The following R3HDML variants were observed in gnomAD, a reference collection of about 807,000 sequenced individuals.
The protein encoded by R3HDML is R3H domain containing like, also known as peptidase inhibitor R3HDML.
Under a neutral mutation model 24.2 loss-of-function variants are expected in R3HDML, and 21 were observed. That is an observed-to-expected ratio of 0.87 (90% CI 0.62 to 1.25). The LOEUF is 1.25. Ranked by LOEUF, R3HDML falls within the 50% of genes most tolerant of loss-of-function variation. The pLI is 0.00. For missense variants in R3HDML, 301 were observed against 340.3 expected, an observed-to-expected ratio of 0.88 and a Z score of 0.91; for synonymous variants, 133 against 131.5, an observed-to-expected ratio of 1.01 and a Z score of -0.08.
At position 44,341,322 on chromosome 20, in the gene R3HDML, A is replaced by AC; in HGVS notation, c.380+11dup. ...CTCCATCCATTCTGGCCAGTGAGTG[A>AC]CCCTCTGCCCTTCCTTCACTCAGTC... On this transcript the variant is annotated intron_variant, in intron 2 of 4. Coordinates refer to ENST00000217043, the MANE Select transcript of R3HDML (RefSeq NM_178491.4). 6 of 1,596,050 alleles carry AC rather than the reference A, an allele frequency of 3.8e-6. No homozygotes were observed. Among genetic ancestry groups the AC allele is most frequent in the Non-Finnish European group, 5.2e-6 (6 of 1,164,382 alleles).
chr20:44,338,739 T>C (rs923327589), intron 1 of R3HDML, among the ~76,000 whole-genome samples: 4 of 152,114 alleles, frequency 2.6e-5, no homozygotes, highest in African/African-American at 9.7e-5. Context: ...TTTACCCCTT[T>C]GTAGCATGAG....
At chr20:44,349,310 A>G (rs1264907962) in intron 4 of R3HDML, among the ~76,000 whole-genome samples, 5 of 151,764 alleles carry the variant, frequency 3.3e-5, no homozygotes, top group African/African-American at 7.3e-5. Flanking sequence ...TCCTTCTACT[A>G]TAGTGATTGC....
intron 4 of R3HDML, among the ~76,000 whole-genome samples, chr20:44,345,792 A>C (rs1386795318): frequency 2.7e-5 from 4 of 150,712 alleles, no homozygotes; most frequent in African/African-American, 9.7e-5. Flanking sequence ...TCTCAAAAAA[A>C]AAGTCAATTA....
At chr20:44,345,422 G>C (rs1441939864) in intron 4 of R3HDML, 44 bp downstream of exon 4, 4 of 1,397,728 alleles carry the variant, frequency 2.9e-6, no homozygotes, top group Non-Finnish European at 4.0e-6. Flanking sequence ...GGGCCGGCGG[G>C]TGGGTCCTGA....
In R3HDML at chr20:44,345,363, G is replaced by A. The variant is rs560664975; in HGVS notation, c.614G>A (p.Cys205Tyr). The A allele has an allele frequency of 3.1e-6, 5 of 1,613,268 alleles. No homozygotes were observed. The South Asian group carries it at 4.4e-5, about 14-fold the overall frequency. ...TGGCATCGGGCGGCATACCTGGTCTGCAACTATGCCATTAAGTAAGTGCCT... is the reference window on the plus strand; with the variant it reads ...TGGCATCGGGCGGCATACCTGGTCTACAACTATGCCATTAAGTAAGTGCCT... ...NTWHRAAYLV[C>Y]NYAIKGNWIG... is the part of the protein sequence containing the mutation. Residue 205 changes from cysteine to tyrosine, a missense_variant, in exon 4 of 5, where the codon TGC (cysteine) becomes TAC (tyrosine). By Grantham distance (194) the Cys-to-Tyr change is radical (BLOSUM62 -2). Transcript: ENST00000217043.
At position 44,337,582 on chromosome 20, in the gene R3HDML, AATCTGC is replaced by A. The variant is rs2062761343; in HGVS notation, c.261+165_261+170del. Among the ~76,000 whole-genome samples the A allele has an allele frequency of 6.6e-6, 1 of 152,132 alleles. No homozygotes were observed. The highest frequency in any genetic ancestry group is 2.4e-5 in the African/African-American group (1 of 41,420). On this transcript the variant is annotated intron_variant, in intron 1 of 4. Coordinates refer to ENST00000217043, the MANE Select transcript of R3HDML (RefSeq NM_178491.4). The surrounding 1 kb of genome is among the most constrained non-coding windows in gnomAD (Gnocchi z 4.7). ...TCGACCTGTGGAAAGGGCAGGAGTT[AATCTGC>A]CCATTTTACAGATGAGGAAACCAAG...
At position 44,337,237 on chromosome 20, in the gene R3HDML, C is replaced by T. The variant is rs756165877; in HGVS notation, c.80C>T (p.Pro27Leu). The T allele has an allele frequency of 1.9e-5, 30 of 1,613,872 alleles. No individual in the cohort carries two copies. Among genetic ancestry groups the T allele is most frequent in the Non-Finnish European group, 2.5e-5 (30 of 1,180,008 alleles). Residue 27 changes from proline to leucine, a missense_variant, in exon 1 of 5, where the codon CCT becomes CTT. Physicochemically the swap from Pro to Leu is moderately conservative, Grantham distance 98. Coordinates refer to ENST00000217043, the MANE Select transcript of R3HDML (RefSeq NM_178491.4). This position sits in a 1 kb window ranked among gnomAD's most constrained non-coding sequence, Gnocchi z 4.7. ...CAGGCAGTGAACGCCTTGATAATGC[C>T]TAATGCTACCCCAGCCCCGGCCCAG... The part of the protein sequence containing the change: ...AGQAVNALIM[P>L]NATPAPAQPE...
In R3HDML at chr20:44,341,197, TCTGGGACAAGCGGCTGGCCAGGG is replaced by T; in HGVS notation, c.267_289del (p.Trp89CysfsTer44). Reference sequence around the variant, plus strand: ...ATTTCATTGCCTTTCTTTCCCCAGGTCTGGGACAAGCGGCTGGCCAGGGCTGCCGAAGCCTGGGCCACCCAGTG... The same window carrying T: ...ATTTCATTGCCTTTCTTTCCCCAGGTCTGCCGAAGCCTGGGCCACCCAGTG... On this transcript the variant is annotated frameshift_variant and splice_region_variant, in exon 2 of 5. Coordinates refer to ENST00000217043, the MANE Select transcript of R3HDML (RefSeq NM_178491.4). LOFTEE classifies it high-confidence loss of function. 6.2e-7 allele frequency: 1 copy of T among 1,611,368 alleles called. No homozygotes were observed. The highest frequency in any genetic ancestry group is 1.1e-5 in the South Asian group (1 of 90,886).
At chr20:44,349,798 G>A (rs1270821345) in intron 4 of R3HDML, among the ~76,000 whole-genome samples, 6 of 152,118 alleles carry the variant, frequency 3.9e-5, no homozygotes, top group South Asian at 4.1e-4. Flanking sequence ...GGCTGGGCGC[G>A]GTGGCTCACG....
intron 1 of R3HDML, among the ~76,000 whole-genome samples, chr20:44,338,337 A>G (rs959970474): frequency 2.6e-5 from 4 of 152,230 alleles, no homozygotes; most frequent in Non-Finnish European, 5.9e-5. Flanking sequence ...ACTGCTGGTA[A>G]CAGAATAGAC....
At chr20:44,341,820 G>A (rs2062773169) in intron 2 of R3HDML, among the ~76,000 whole-genome samples, 1 of 152,190 alleles carries the variant, frequency 6.6e-6, no homozygotes, top group Admixed American at 6.5e-5. Context: ...GGGAGGTGGA[G>A]GTTGTGGTGA....
intron 3 of R3HDML, 25 bp downstream of exon 3, chr20:44,343,534 C>G (rs541845006): frequency 2.9e-5 from 45 of 1,565,818 alleles, no homozygotes; most frequent in Non-Finnish European, 3.7e-5. Context: ...GGGCTGAGGG[C>G]CCCTGGGATA....
At chr20:44,341,428 C>A in intron 2 of R3HDML, 114 bp downstream of exon 2, 1 of 799,738 alleles carries the variant, frequency 1.3e-6, no homozygotes, top group Non-Finnish European at 2.0e-6. Context: ...GCAAGGCAGA[C>A]AAGCTCTCCA....
intron 3 of R3HDML, chr20:44,345,061 C>T (rs2062782587): frequency 3.4e-6 from 2 of 581,074 alleles, no homozygotes; most frequent in East Asian, 5.8e-5. Context: ...AAAAATTATT[C>T]CTTACTGTTG....
chr20:44,351,064 C>A lies in R3HDML; in HGVS notation c.*272C>A. On this transcript the variant is annotated 3_prime_UTR_variant, in exon 5 of 5. Transcript: ENST00000217043. ...TTTCATTAATTCGGTTCTCAGAGAA[C>A]CAAGGCTGGAAGGCATAGAACTGGC... 1 of 367,490 alleles carries A rather than the reference C, an allele frequency of 2.7e-6. No individual in the cohort carries two copies. The highest frequency in any genetic ancestry group is 4.9e-6 in the Non-Finnish European group (1 of 203,816). 22.8% of individuals were successfully genotyped at this position (367,490 alleles called of 1,614,324 possible).
chr20:44,347,653 A>G (rs1352394063), intron 4 of R3HDML: 1 of 152,226 alleles, frequency 6.6e-6, no homozygotes, highest in African/African-American at 2.4e-5. Flanking sequence ...CTAGGAGGAC[A>G]TTCTTTTTAC....
Position 44,341,198 on chromosome 20 carries a change from C to G in R3HDML, c.264C>G (p.Val88=). The part of the protein sequence containing the change: ...YPPAANMEYM[V]WDKRLARAAE... ...TTTCATTGCCTTTCTTTCCCCAGGTCTGGGACAAGCGGCTGGCCAGGGCTG... is the reference window on the plus strand; with the variant it reads ...TTTCATTGCCTTTCTTTCCCCAGGTGTGGGACAAGCGGCTGGCCAGGGCTG... Residue 88 remains valine (V), a splice_region_variant and synonymous_variant, in exon 2 of 5, where the codon GTC becomes GTG. Coordinates refer to ENST00000217043, the MANE Select transcript of R3HDML (RefSeq NM_178491.4). 2 of 1,611,398 alleles carry G rather than the reference C, an allele frequency of 1.2e-6. No individual in the cohort carries two copies. Among genetic ancestry groups the G allele is most frequent in the East Asian group, 4.5e-5 (2 of 44,828 alleles).
chr20:44,340,121 A>ATTTTTTTTTTTTTTTTTT (rs2062768266), intron 1 of R3HDML, among the ~76,000 whole-genome samples: 1 of 151,680 alleles, frequency 6.6e-6, no homozygotes, highest in African/African-American at 2.4e-5. Flanking sequence ...CACCCGGCTA[A>ATTTTTTTTTTTTTTTTTT]TTTTTATATT....
At chr20:44,345,829 C>CTTTTTTTTTTTTTTTT (rs1426944034) in intron 4 of R3HDML, among the ~76,000 whole-genome samples, 1 of 147,770 alleles carries the variant, frequency 6.8e-6, no homozygotes, top group Admixed American at 6.8e-5. Flanking sequence ...TTCTTTCTTT[C>CTTTTTTTTTTTTTTTT]TTTTTTTTGA....
Sources: gnomAD v4.1 joint callset for allele counts (sites outside exome capture counted in the v4.1 genomes callset) on GRCh38, gnomAD v4.1.1 for gene constraint, Gnocchi (gnomAD v3.1) non-coding constraint, MANE v1.5 for transcripts, NCBI Gene and HGNC (gene_info 2026-07-23, HGNC 2026-07-21) for gene names.